The following CEP128 variants were observed in gnomAD, a reference collection of about 807,000 sequenced individuals.
The protein encoded by CEP128 is centrosomal protein 128.
A neutral mutation model predicts 156.7 loss-of-function variants in CEP128; 132 were observed. The ratio of observed to expected loss-of-function variants is 0.84; its 90% CI spans 0.73 to 0.97. The LOEUF is 0.97. CEP128 is among the 50% of genes least tolerant of loss of function. CEP128 has a pLI of 0.00. For synonymous variants in CEP128, 469 were observed against 448.9 expected (o/e 1.04, Z -0.57); for missense variants, 1,252 against 1,281.9 (o/e 0.98, Z 0.36).
chr14:80,836,860 T>C (rs975322736), intron 11 of CEP128, among the ~76,000 whole-genome samples: 3 of 152,212 alleles, frequency 2.0e-5, no homozygotes, highest in African/African-American at 7.2e-5. Context: ...ACCTAGCACA[T>C]AGCAGGTACT....
intron 16 of CEP128, among the ~76,000 whole-genome samples, chr14:80,764,259 G>A (rs892906422): frequency 6.6e-6 from 1 of 152,150 alleles, no homozygotes; most frequent in African/African-American, 2.4e-5. Context: ...AGCACTTTGG[G>A]AGGCCGAGGC....
chr14:80,531,677 T>C (rs1889231918), intron 21 of CEP128, among the ~76,000 whole-genome samples: 1 of 152,218 alleles, frequency 6.6e-6, no homozygotes, highest in Non-Finnish European at 1.5e-5. Flanking sequence ...AAATTTAAAA[T>C]GGATTTTAAT....
At chr14:80,592,433 C>A (rs1892116941) in intron 19 of CEP128, among the ~76,000 whole-genome samples, 1 of 152,142 alleles carries the variant, frequency 6.6e-6, no homozygotes, top group Non-Finnish European at 1.5e-5. Flanking sequence ...GACACATACA[C>A]CCTCCCAAGA....
At chr14:80,562,089 G>A (rs986657610) in intron 20 of CEP128, among the ~76,000 whole-genome samples, 10 of 101,474 alleles carry the variant, frequency 9.9e-5, no homozygotes, top group Admixed American at 2.7e-4. Flanking sequence ...CACCACATCC[G>A]GCTAATTTTT....
At chr14:80,738,451 T>C (rs1898645411) in intron 19 of CEP128, among the ~76,000 whole-genome samples, 1 of 152,166 alleles carries the variant, frequency 6.6e-6, no homozygotes, top group Non-Finnish European at 1.5e-5. Context: ...GAGAACACTA[T>C]TGACAGATCC....
At chr14:80,619,367 G>GACACACACACACACACAGACACACACAC (rs367620098) in intron 19 of CEP128, among the ~76,000 whole-genome samples, 13 of 139,472 alleles carry the variant, frequency 9.3e-5, no homozygotes, top group Middle Eastern at 7.2e-3. Flanking sequence ...AAGACACACA[G>GACACACACACACACACAGACACACACAC]ACACACACAC....
intron 13 of CEP128, among the ~76,000 whole-genome samples, chr14:80,802,387 G>A (rs1459792386): frequency 6.6e-6 from 1 of 152,168 alleles, no homozygotes; most frequent in Non-Finnish European, 1.5e-5. Flanking sequence ...GTCCTCTGCA[G>A]GGATCTGGAT....
chr14:80,539,873 TC>T (rs1404756751), intron 21 of CEP128, among the ~76,000 whole-genome samples: 2 of 152,068 alleles, frequency 1.3e-5, no homozygotes, highest in Non-Finnish European at 2.9e-5. Context: ...GGAATGTCTG[TC>T]TTATGTGGTT....
intron 19 of CEP128, among the ~76,000 whole-genome samples, chr14:80,618,657 T>G (rs984698410): frequency 6.6e-6 from 1 of 152,184 alleles, no homozygotes; most frequent in Admixed American, 6.5e-5. Flanking sequence ...GATTTTAATA[T>G]CCACTAAGTG....
rs1890761922 is a variant in CEP128, at chr14:80,563,180, C to A, written c.2857-3878G>T. 2.0e-5 allele frequency among the ~76,000 whole-genome samples: 3 copies of A among 152,004 alleles called. No individual in the cohort carries two copies. The South Asian group carries it at 6.2e-4, about 32-fold the overall frequency. On this transcript the variant is annotated intron_variant, in intron 20 of 24. Transcript: ENST00000555265. Reference sequence around the variant, plus strand: ...CCTGCAGGTTCATTACTCCACCCACCCTTCCAAACCACCAATCCCTGAACC... The same window carrying A: ...CCTGCAGGTTCATTACTCCACCCACACTTCCAAACCACCAATCCCTGAACC...
Position 80,586,009 on chromosome 14 carries a change from T to TA in CEP128, c.2807-5587dup, listed in dbSNP as rs149427245. Among the ~76,000 whole-genome samples the TA allele has an allele frequency of 3.5e-3, 533 of 152,276 alleles. 1 individual carries two copies. Among genetic ancestry groups the TA allele is most frequent in the African/African-American group, 0.011 (450 of 41,566 alleles). On this transcript the variant is annotated intron_variant, in intron 19 of 24. Coordinates refer to ENST00000555265, the MANE Select transcript of CEP128 (RefSeq NM_152446.5). ...CAAGACATTAGCTACATGCCAGAGA[T>TA]AACGGGTCAGTTTCTCTTTTTCTTC...
intron 19 of CEP128, among the ~76,000 whole-genome samples, chr14:80,687,015 A>G (rs1477883023): frequency 6.6e-6 from 1 of 152,158 alleles, no homozygotes; most frequent in Non-Finnish European, 1.5e-5. Context: ...CCCCACTGTC[A>G]ATATTAGACA....
chr14:80,707,397 T>C (rs1360687930), intron 19 of CEP128, among the ~76,000 whole-genome samples: 4 of 152,188 alleles, frequency 2.6e-5, no homozygotes, highest in African/African-American at 7.2e-5. Context: ...GCCTAGTTTT[T>C]GATAGCTTCC....
intron 8 of CEP128, among the ~76,000 whole-genome samples, chr14:80,886,034 T>C (rs981390918): frequency 5.9e-5 from 9 of 151,730 alleles, no homozygotes; most frequent in African/African-American, 2.2e-4. Flanking sequence ...ATATCAGAGA[T>C]TGAAGATCAA....
intron 18 of CEP128, among the ~76,000 whole-genome samples, chr14:80,750,514 G>A (rs2139636135): frequency 6.6e-6 from 1 of 152,144 alleles, no homozygotes; most frequent in South Asian, 2.1e-4. Context: ...AACCCATGTG[G>A]TCCAAACAAA....
At chr14:80,937,859 A>G (rs919315877) in intron 2 of CEP128, among the ~76,000 whole-genome samples, 7 of 151,884 alleles carry the variant, frequency 4.6e-5, no homozygotes, top group Non-Finnish European at 7.4e-5. Context: ...GATTATCCCA[A>G]TAGGTCCCCC....
chr14:80,878,584 TC>T lies in CEP128; in HGVS notation c.646-15712del, dbSNP rs1029488390. On this transcript the variant is annotated intron_variant, in intron 8 of 24. Transcript: ENST00000555265. ...TCTACTGTGCCCTGTTGGTTCTAGGTCCCAAATTGCAGTTGTGCCCAACCCC... is the reference window on the plus strand; with the variant it reads ...TCTACTGTGCCCTGTTGGTTCTAGGTCCAAATTGCAGTTGTGCCCAACCCC... 2.6e-5 allele frequency among the ~76,000 whole-genome samples: 4 copies of T among 152,198 alleles called. No individual in the cohort carries two copies. In the East Asian group the frequency reaches 7.8e-4, roughly 30 times the overall value.
intron 13 of CEP128, among the ~76,000 whole-genome samples, chr14:80,808,978 C>A (rs558911334): frequency 7.2e-5 from 11 of 152,236 alleles, no homozygotes; most frequent in African/African-American, 2.6e-4. Context: ...AAATACAACA[C>A]CTTCAAAGGA....
chr14:80,598,527 T>C (rs1566802921), intron 19 of CEP128, among the ~76,000 whole-genome samples: 1 of 152,152 alleles, frequency 6.6e-6, no homozygotes, highest in Admixed American at 6.5e-5. Context: ...ACTCACATAG[T>C]AAAGACGTCA....
Sources: allele counts gnomAD v4.1 joint callset (sites outside exome capture counted in the v4.1 genomes callset), GRCh38; gene constraint gnomAD v4.1.1; transcripts MANE v1.5; gene names NCBI Gene and HGNC (gene_info 2026-07-23, HGNC 2026-07-21).